The following MYH15 variants were observed in gnomAD, a reference collection of about 807,000 sequenced individuals.
MYH15 encodes the protein myosin-15.
MYH15 carries 227 observed loss-of-function variants against 240.5 expected under a neutral mutation model. The observed-to-expected ratio is 0.94, with a 90% CI of 0.85 to 1.05. The LOEUF is 1.05. Among genes scored for constraint, MYH15 ranks in the 50% least tolerant of loss-of-function variants. MYH15 has a pLI of 0.00. For missense variants in MYH15, 2,217 were observed against 2,247.5 expected (o/e 0.99, Z 0.27); for synonymous variants, 785 against 796.7 (o/e 0.99, Z 0.25).
chr3:108,520,007 T>C (rs2083605353), intron 1 of MYH15, among the ~76,000 whole-genome samples: 1 of 152,212 alleles, frequency 6.6e-6, no homozygotes, highest in Admixed American at 6.6e-5. Context: ...TAGAATATTA[T>C]GTATTCCAGT....
rs764981322 is a variant in MYH15, at chr3:108,383,739, T to TG, written c.5632-11_5632-10insC. ...GATTGGCTTGTGTTTCCTATAAAAA[T>TG]AAAAAAAAAAAAAAAGAAATCTCCA... is the stretch of plus-strand genomic sequence containing the variant. On this transcript the variant is annotated splice_polypyrimidine_tract_variant and intron_variant, in intron 39 of 40. Coordinates refer to ENST00000693548, the MANE Select transcript of MYH15 (RefSeq NM_014981.3). 3.0e-6 allele frequency: 4 copies of TG among 1,351,896 alleles called. No homozygotes were observed. The African/African-American group carries it at 4.8e-5, about 16-fold the overall frequency. 83.7% of individuals were successfully genotyped at this position (1,351,896 alleles called of 1,614,324 possible).
In MYH15 at chr3:108,391,412, C is replaced by T. The variant is rs192784104; in HGVS notation, c.5430+348G>A. Reference sequence around the variant, plus strand: ...TGGGCATTCTCTGCAGAGGAATTAACGGGAGAAAAGGCACAGAAACAAGAC... The same window carrying T: ...TGGGCATTCTCTGCAGAGGAATTAATGGGAGAAAAGGCACAGAAACAAGAC... On this transcript the variant is annotated intron_variant, in intron 37 of 40. Transcript: ENST00000693548. Among the ~76,000 whole-genome samples the T allele has an allele frequency of 8.5e-5, 13 of 152,050 alleles. No individual in the cohort carries two copies. The East Asian group carries it at 9.7e-4, about 11-fold the overall frequency.
At chr3:108,520,333 C>T (rs912151034) in intron 1 of MYH15, among the ~76,000 whole-genome samples, 6 of 152,150 alleles carry the variant, frequency 3.9e-5, no homozygotes, top group African/African-American at 1.4e-4. Context: ...GTAAAAATAG[C>T]AAATTGTTTT....
intron 11 of MYH15, among the ~76,000 whole-genome samples, chr3:108,478,074 G>T (rs555115399): frequency 3.6e-4 from 54 of 151,994 alleles, no homozygotes; most frequent in African/African-American, 1.3e-3. Flanking sequence ...AGGTAATGCA[G>T]CCTTTCTTTA....
chr3:108,439,979 C>G lies in MYH15; in HGVS notation c.2899-66G>C, dbSNP rs1318355134. 12 of 1,368,398 alleles carry G rather than the reference C, an allele frequency of 8.8e-6. No individual in the cohort carries two copies. The East Asian group carries it at 3.0e-4, about 34-fold the overall frequency. 84.8% of individuals were successfully genotyped at this position (1,368,398 alleles called of 1,614,324 possible). A position where few individuals can be genotyped will look rare whatever the true frequency, so the allele number is the denominator to read the frequency against. On this transcript the variant is annotated intron_variant, in intron 23 of 40. Transcript: ENST00000693548. ...GAAAGTTGGGCATAACACTGAGGGT[C>G]ATTTCTCTTCTGTCGTCCAAAACTA... is the stretch of plus-strand genomic sequence containing the variant.
At chr3:108,505,618 G>T in intron 2 of MYH15, 105 bp downstream of exon 2, 3 of 542,240 alleles carry the variant, frequency 5.5e-6, no homozygotes, top group Non-Finnish European at 8.8e-6. Flanking sequence ...TGAGTCAGTG[G>T]CATCTCCTAC....
At chr3:108,419,171 G>A (rs142124854) in intron 28 of MYH15, among the ~76,000 whole-genome samples, 1 of 152,284 alleles carries the variant, frequency 6.6e-6, no homozygotes, top group African/African-American at 2.4e-5. Context: ...AGTATGGTAA[G>A]CTGACAGAAC....
chr3:108,497,005 C>T (rs1323907654), intron 6 of MYH15, among the ~76,000 whole-genome samples: 1 of 150,976 alleles, frequency 6.6e-6, no homozygotes, highest in East Asian at 1.9e-4. Flanking sequence ...ACTAAAAATA[C>T]AAAAAATTAG....
intron 27 of MYH15, among the ~76,000 whole-genome samples, chr3:108,422,998 TGTCCCC>T (rs1351824751): frequency 6.6e-6 from 1 of 152,200 alleles, no homozygotes; most frequent in Non-Finnish European, 1.5e-5. Context: ...TGGGGTTCTT[TGTCCCC>T]GGCCACAAAA....
intron 32 of MYH15, 86 bp from the exon 33 acceptor site, chr3:108,405,539 AGC>A: frequency 1.3e-6 from 1 of 783,170 alleles, no homozygotes; most frequent in Non-Finnish European, 1.9e-6. Context: ...TCGCTAATGT[AGC>A]TCTCTTAGAG....
chr3:108,438,877 G>A (rs1437339369), intron 24 of MYH15, among the ~76,000 whole-genome samples: 1 of 151,976 alleles, frequency 6.6e-6, no homozygotes, highest in East Asian at 1.9e-4. Flanking sequence ...TGGGTGTGTG[G>A]GTGTGGGTAG....
In MYH15 at chr3:108,459,467, A is replaced by G; in HGVS notation, c.1933-18T>C. On this transcript the variant is annotated intron_variant, in intron 17 of 40. Coordinates refer to ENST00000693548, the MANE Select transcript of MYH15 (RefSeq NM_014981.3). ...AGGTTTTCCTAAAATGGAGACCATA[A>G]TAAACACAAAATCACTTTGCAAATC... 6.6e-7 allele frequency: 1 copy of G among 1,513,854 alleles called. No individual in the cohort carries two copies. The highest frequency in any genetic ancestry group is 9.0e-7 in the Non-Finnish European group (1 of 1,105,614). The allele number at this position is 1,513,854 out of a possible 1,614,324, so 93.8% of individuals were successfully genotyped here. A position where few individuals can be genotyped will look rare whatever the true frequency, so the allele number is the denominator to read the frequency against.
intron 1 of MYH15, among the ~76,000 whole-genome samples, chr3:108,507,877 C>T (rs1195953988): frequency 6.6e-6 from 1 of 152,160 alleles, no homozygotes; most frequent in African/African-American, 2.4e-5. Flanking sequence ...TTTTGAAAAG[C>T]ACCCAGTTAG....
intron 21 of MYH15, among the ~76,000 whole-genome samples, chr3:108,449,880 T>C (rs974210049): frequency 6.6e-6 from 1 of 151,700 alleles, no homozygotes; most frequent in Non-Finnish European, 1.5e-5. Flanking sequence ...CTCTATAGCA[T>C]GAAAACAACC....
chr3:108,465,894 T>G (rs2107584183), intron 14 of MYH15, among the ~76,000 whole-genome samples: 1 of 152,134 alleles, frequency 6.6e-6, no homozygotes, highest in Non-Finnish European at 1.5e-5. Context: ...ACCATTGCAC[T>G]CCAGCTTGAG....
At position 108,498,085 on chromosome 3, in the gene MYH15, G is replaced by A. The variant is rs933456528; in HGVS notation, c.585C>T (p.Thr195=). 6.2e-7 allele frequency: 1 copy of A among 1,613,970 alleles called. No homozygotes were observed. The highest frequency in any genetic ancestry group is 8.5e-7 in the Non-Finnish European group (1 of 1,179,960). Residue 195 remains threonine (T), a synonymous_variant, in exon 6 of 41, where the codon ACC becomes ACT. Transcript: ENST00000693548. ...NSKHIIQYFA[T]IAAMIESRKK... Reference sequence around the variant, plus strand: ...TCCTGGATTCAATCATGGCTGCTATGGTGGCAAAATACTGGATAATATGTT... The same window carrying A: ...TCCTGGATTCAATCATGGCTGCTATAGTGGCAAAATACTGGATAATATGTT...
In MYH15 at chr3:108,444,784, T is replaced by G. The variant is rs1365256754; in HGVS notation, c.2511A>C (p.Val837=). Residue 837 remains valine (V), a synonymous_variant, in exon 22 of 41, where the codon GTA becomes GTC. Coordinates refer to ENST00000693548, the MANE Select transcript of MYH15 (RefSeq NM_014981.3). ...CCTTCAGTCCAGCTACTTCTTCTCC[T>G]ACTTCTGAAGATTTAACAAGAGGCT... ...KIKPLVKSSE[V]GEEVAGLKEE... The G allele has an allele frequency of 6.2e-7, 1 of 1,614,096 alleles. No homozygotes were observed. The highest frequency in any genetic ancestry group is 8.5e-7 in the Non-Finnish European group (1 of 1,179,988).
At chr3:108,437,795 A>AAAGT (rs2082853827) in intron 24 of MYH15, 96 bp from the exon 25 acceptor site, 1 of 1,335,182 alleles carries the variant, frequency 7.5e-7, no homozygotes, top group East Asian at 2.4e-5. Context: ...AAAAAGAAAG[A>AAAGT]CACAAGCACA....
chr3:108,394,114 C>T lies in MYH15; in HGVS notation c.5176G>A (p.Val1726Ile), dbSNP rs1190129868. 2.5e-6 allele frequency: 4 copies of T among 1,614,130 alleles called. No individual in the cohort carries two copies. The South Asian group carries it at 4.4e-5, about 18-fold the overall frequency. The change falls in exon 36 of 41, where the codon GTT becomes ATT. Residue 1726 changes from valine (V) to isoleucine (I), a missense_variant. By Grantham distance (29) the Val-to-Ile change is conservative. Transcript: ENST00000693548. ...LSQKKKLEAD[V>I]ARMQKEAEEV... ...TCAGCTTCTTTCTGCATCCGGGCAA[C>T]ATCAGCCTCCAGTTTCTTCTTCTGG...
Sources: allele counts gnomAD v4.1 joint callset (sites outside exome capture counted in the v4.1 genomes callset), GRCh38; gene constraint gnomAD v4.1.1; transcripts MANE v1.5; gene names NCBI Gene and HGNC (gene_info 2026-07-23, HGNC 2026-07-21).